Variants in RARS2 observed in about 807,000 individuals in gnomAD.
The protein encoded by RARS2 is probable arginine--tRNA ligase, mitochondrial.
In RARS2, 67 loss-of-function variants were observed where a neutral mutation model predicts 88.5. That is an observed-to-expected ratio of 0.76 (90% CI 0.62 to 0.93). The LOEUF is 0.93. RARS2 is among the 40% of genes least tolerant of loss of function. The pLI is 0.00. For synonymous variants in RARS2, 239 were observed against 230.3 expected (o/e 1.04, Z -0.34); for missense variants, 664 against 684.2 (o/e 0.97, Z 0.33).
chr6:87,548,619 A>G lies in RARS2; in HGVS notation c.423T>C (p.His141=), dbSNP rs2128126853. Residue 141 remains histidine, a synonymous_variant, in exon 6 of 20, where the codon CAT becomes CAC. Transcript: ENST00000369536. The part of the protein sequence containing the change: ...FSSPNVAKKF[H]VGHLRSTIIG... ...TGATGGTAGAACGCAAATGTCCAACATGAAATTTTTTGGCAACATTAGGTG... is the reference window on the plus strand; with the variant it reads ...TGATGGTAGAACGCAAATGTCCAACGTGAAATTTTTTGGCAACATTAGGTG... 1 of 1,613,356 alleles carries G rather than the reference A, an allele frequency of 6.2e-7. No individual in the cohort carries two copies.
chr6:87,580,169 G>A (rs916994641), intron 1 of RARS2, among the ~76,000 whole-genome samples: 2 of 152,162 alleles, frequency 1.3e-5, no homozygotes, highest in South Asian at 2.1e-4. Context: ...CAATGGGTTT[G>A]CTTAGCTTCA....
At chr6:87,575,224 A>AACACACAC in intron 1 of RARS2, among the ~76,000 whole-genome samples, 2 of 84,978 alleles carry the variant, frequency 2.4e-5, no homozygotes, top group African/African-American at 4.4e-5. Flanking sequence ...AAAAATAGAA[A>AACACACAC]GCACACACAC....
chr6:87,542,879 G>A (rs372630758), intron 7 of RARS2, among the ~76,000 whole-genome samples: 45 of 150,120 alleles, frequency 3.0e-4, no homozygotes, highest in African/African-American at 1.0e-3. Flanking sequence ...ACGAGTTAAT[G>A]GGTGCAGCAC....
At chr6:87,529,268 A>G (rs1194900687) in intron 10 of RARS2, among the ~76,000 whole-genome samples, 1 of 152,240 alleles carries the variant, frequency 6.6e-6, no homozygotes. Context: ...TTATATCATT[A>G]TCAGGTTATA....
chr6:87,529,214 T>TA (rs1776681026), intron 10 of RARS2, among the ~76,000 whole-genome samples: 1 of 152,206 alleles, frequency 6.6e-6, no homozygotes, highest in Non-Finnish European at 1.5e-5. Context: ...TTTTAAAAGG[T>TA]AAAACTGAAT....
chr6:87,534,393 C>A (rs1420367780), intron 8 of RARS2, among the ~76,000 whole-genome samples: 1 of 152,180 alleles, frequency 6.6e-6, no homozygotes, highest in Non-Finnish European at 1.5e-5. Context: ...TACATAACCA[C>A]ATTCATTATA....
chr6:87,545,243 C>T (rs113732700), intron 7 of RARS2, among the ~76,000 whole-genome samples: 1 of 152,206 alleles, frequency 6.6e-6, no homozygotes, highest in Non-Finnish European at 1.5e-5. Flanking sequence ...GCCACCATGT[C>T]TAGCTAATTT....
At chr6:87,586,911 TA>T (rs1775352252) in intron 1 of RARS2, among the ~76,000 whole-genome samples, 1 of 146,730 alleles carries the variant, frequency 6.8e-6, no homozygotes, top group Non-Finnish European at 1.5e-5. Flanking sequence ...TTTATTTATT[TA>T]TTTATTTATT....
In RARS2 at chr6:87,589,913, G is replaced by T. The variant is rs776106248; in HGVS notation, c.36+9C>A. 13 of 1,613,896 alleles carry T rather than the reference G, an allele frequency of 8.1e-6. No individual in the cohort carries two copies. Among genetic ancestry groups the T allele is most frequent in the African/African-American group, 1.3e-5 (1 of 74,946 alleles). On this transcript the variant is annotated intron_variant, in intron 1 of 19. Transcript: ENST00000369536. ...TCAGGGACTCCTCTGCGCGCTCCGG[G>T]ATCCATACCTGGCAAGCAATAGCGC...
chr6:87,549,934 A>C (rs1335001975), intron 5 of RARS2, among the ~76,000 whole-genome samples: 1 of 152,156 alleles, frequency 6.6e-6, no homozygotes, highest in Non-Finnish European at 1.5e-5. Flanking sequence ...AAATCTCATA[A>C]GTTTTTCAAT....
intron 5 of RARS2, among the ~76,000 whole-genome samples, chr6:87,551,025 GAAAAACAAAAAC>G (rs374857287): frequency 6.6e-5 from 10 of 151,562 alleles, no homozygotes; most frequent in African/African-American, 9.7e-5. Context: ...TGTCTGTTAA[GAAAAACAAAAAC>G]AAAAACAAAA....
chr6:87,526,855 G>C (rs1359496347), intron 10 of RARS2, among the ~76,000 whole-genome samples: 1 of 151,724 alleles, frequency 6.6e-6, no homozygotes, highest in Non-Finnish European at 1.5e-5. Context: ...ATTTTTAGTA[G>C]AGATGGGGTT....
intron 2 of RARS2, chr6:87,564,588 GA>G: frequency 2.6e-6 from 1 of 377,410 alleles, no homozygotes; most frequent in Non-Finnish European, 5.1e-6. Flanking sequence ...GGAATCGCTT[GA>G]ATCCTGGAGG....
chr6:87,552,843 T>G (rs1475055099), intron 5 of RARS2, among the ~76,000 whole-genome samples: 1 of 152,160 alleles, frequency 6.6e-6, no homozygotes, highest in East Asian at 1.9e-4. Flanking sequence ...CAAGGATGAA[T>G]GTACGGTAAC....
At chr6:87,568,009 G>A (rs933565943) in intron 2 of RARS2, among the ~76,000 whole-genome samples, 1 of 152,084 alleles carries the variant, frequency 6.6e-6, no homozygotes, top group African/African-American at 2.4e-5. Flanking sequence ...CTGACCTCAC[G>A]ATCTGCCTGC....
At chr6:87,580,534 G>C (rs1773163467) in intron 1 of RARS2, among the ~76,000 whole-genome samples, 1 of 151,484 alleles carries the variant, frequency 6.6e-6, no homozygotes, top group African/African-American at 2.4e-5. Context: ...CAGCACTTTG[G>C]GAGGTTGAGG....
intron 1 of RARS2, among the ~76,000 whole-genome samples, chr6:87,569,796 G>A (rs796648414): frequency 1.1e-4 from 16 of 151,908 alleles, no homozygotes; most frequent in African/African-American, 3.9e-4. Flanking sequence ...TTCTAAGGAT[G>A]AAGAATAAAT....
At chr6:87,526,872 T>C (rs905520484) in intron 10 of RARS2, among the ~76,000 whole-genome samples, 17 of 151,908 alleles carry the variant, frequency 1.1e-4, no homozygotes, top group African/African-American at 3.4e-4. Context: ...GGTTTCTCCA[T>C]GTTGGTCAGG....
chr6:87,545,597 A>C lies in RARS2; in HGVS notation c.535+19T>G, dbSNP rs1463436136. 6.2e-7 allele frequency: 1 copy of C among 1,613,546 alleles called. No homozygotes were observed. The highest frequency in any genetic ancestry group is 8.5e-7 in the Non-Finnish European group (1 of 1,179,770). On this transcript the variant is annotated intron_variant, in intron 7 of 19. Transcript: ENST00000369536. ...GAATTTTACAATGAAATGAAAAATA[A>C]AATCTCAAGTGTACTTACCAAACTG...
Sources: allele counts gnomAD v4.1 joint callset (sites outside exome capture counted in the v4.1 genomes callset), GRCh38; gene constraint gnomAD v4.1.1; transcripts MANE v1.5; gene names NCBI Gene and HGNC (gene_info 2026-07-23, HGNC 2026-07-21).